THAP2: variants seen among roughly 807,000 people sequenced by gnomAD.
THAP2 encodes THAP domain-containing protein 2.
In THAP2, 16 loss-of-function variants were observed where a neutral mutation model predicts 18.8. The ratio of observed to expected loss-of-function variants is 0.85; its 90% CI spans 0.58 to 1.29. The LOEUF is 1.29. Among genes scored for constraint, THAP2 ranks in the 50% most tolerant of loss-of-function variants. The probability of loss-of-function intolerance (pLI) is 0.00; values close to 1 mark genes in which losing one functional copy is unlikely to be tolerated. For synonymous variants in THAP2, 80 were observed against 89.2 expected (o/e 0.90, Z 0.58); for missense variants, 251 against 265.3 (o/e 0.95, Z 0.38).
rs763780407 is a variant in THAP2, at chr12:71,666,524, AAAAAC to A, written c.71+1954_71+1958del. 7.9e-5 allele frequency among the ~76,000 whole-genome samples: 12 copies of A among 152,232 alleles called. No homozygotes were observed. The South Asian group carries it at 1.5e-3, about 18-fold the overall frequency. The stretch of plus-strand genomic sequence containing the variant: ...TGAGACCCTGTCTCAAGAAAAAACA[AAAAAC>A]AAAACAAAAAAAAAGAGATGGATGG... On this transcript the variant is annotated intron_variant, in intron 1 of 2. Transcript: ENST00000308086.
chr12:71,664,711 T>G, intron 1 of THAP2, 131 bp downstream of exon 1: 1 of 1,016,972 alleles, frequency 9.8e-7, no homozygotes, highest in East Asian at 2.5e-5. Context: ...GCATCGTATG[T>G]CCTTTGTGTT....
intron 2 of THAP2, among the ~76,000 whole-genome samples, chr12:71,675,427 C>T (rs1417238248): frequency 6.6e-6 from 1 of 152,038 alleles, no homozygotes; most frequent in Non-Finnish European, 1.5e-5. Flanking sequence ...TTATTTTTGA[C>T]ATTTTGATAA....
intron 1 of THAP2, among the ~76,000 whole-genome samples, chr12:71,666,064 A>C (rs1322187927): frequency 2.6e-5 from 4 of 152,198 alleles, no homozygotes; most frequent in African/African-American, 7.2e-5. Flanking sequence ...AGCTGTAGTA[A>C]ATAAAACAAG....
intron 1 of THAP2, among the ~76,000 whole-genome samples, chr12:71,669,971 A>C (rs935084435): frequency 8.6e-5 from 13 of 151,998 alleles, no homozygotes; most frequent in East Asian, 7.7e-4. Flanking sequence ...AAAAAAAAAA[A>C]AACTCTATTT....
intron 1 of THAP2, chr12:71,664,931 G>A (rs775622603): frequency 1.3e-5 from 9 of 702,146 alleles, no homozygotes; most frequent in East Asian, 5.4e-5. Context: ...AGCAATCACC[G>A]TAAAAGCCTG....
In THAP2 at chr12:71,674,374, T is replaced by C; in HGVS notation, c.243T>C (p.Asp81=). 1.2e-6 allele frequency: 2 copies of C among 1,610,288 alleles called. No homozygotes were observed. Among genetic ancestry groups the C allele is most frequent in the Non-Finnish European group, 1.7e-6 (2 of 1,177,678 alleles). ...LKMDAVPTIF[D]FCTHIKSMKL... is the part of the protein sequence containing the mutation. Reference sequence around the variant, plus strand: ...TGGATGCTGTTCCAACCATTTTTGATTTTTGTACCCATATAAAGTCTATGG... The same window carrying C: ...TGGATGCTGTTCCAACCATTTTTGACTTTTGTACCCATATAAAGTCTATGG... Residue 81 remains aspartate (D), a synonymous_variant, in exon 2 of 3, where the codon GAT becomes GAC. Transcript: ENST00000308086.
rs2137584146 is a variant in THAP2, at chr12:71,678,474, ACT to A, written c.*1367_*1368del. The A allele has an allele frequency of 6.5e-6, 1 of 152,714 alleles. No homozygotes were observed. The highest frequency in any genetic ancestry group is 2.1e-4 in the South Asian group (1 of 4,832). The allele number at this position is 152,714 out of a possible 1,614,324, so 9.5% of individuals were successfully genotyped here. A position where few individuals can be genotyped will look rare whatever the true frequency, so the allele number is the denominator to read the frequency against. ...ACAATTAAAGGGTTTGCTTTATTTC[ACT>A]AATGTTTAATAGGAACCCTTTGCTT... On this transcript the variant is annotated 3_prime_UTR_variant, in exon 3 of 3. Coordinates refer to ENST00000308086, the MANE Select transcript of THAP2 (RefSeq NM_031435.4).
rs972433515 is a variant in THAP2 at position 71,676,961 on chromosome 12, T to C, written c.540T>C (p.Ser180=). The change falls in exon 3 of 3, where the codon AGT becomes AGC. Residue 180 remains serine, a synonymous_variant. Coordinates refer to ENST00000308086, the MANE Select transcript of THAP2 (RefSeq NM_031435.4). ...TGGTAAAGAATTTAGAAGCAAATAG[T>C]GTATTACCTAAAGGTACATCAGAAC... ...TCLVKNLEAN[S]VLPKGTSEHM... 6 of 1,613,768 alleles carry C rather than the reference T, an allele frequency of 3.7e-6. No homozygotes were observed. Among genetic ancestry groups the C allele is most frequent in the Non-Finnish European group, 5.1e-6 (6 of 1,179,702 alleles).
chr12:71,668,992 T>G (rs1354489950), intron 1 of THAP2, among the ~76,000 whole-genome samples: 1 of 152,204 alleles, frequency 6.6e-6, no homozygotes, highest in Non-Finnish European at 1.5e-5. Flanking sequence ...ACAAAAACAT[T>G]ACACCAAAAT....
intron 1 of THAP2, chr12:71,664,930 C>A (rs11178883): frequency 1.4e-6 from 1 of 702,288 alleles, no homozygotes; most frequent in South Asian, 1.5e-5. Flanking sequence ...CAGCAATCAC[C>A]GTAAAAGCCT....
At chr12:71,670,734 T>C (rs1881422533) in intron 1 of THAP2, among the ~76,000 whole-genome samples, 1 of 150,780 alleles carries the variant, frequency 6.6e-6, no homozygotes, top group South Asian at 2.1e-4. Flanking sequence ...AGGTCAGGAG[T>C]TCAAGACCAG....
intron 1 of THAP2, among the ~76,000 whole-genome samples, chr12:71,672,873 G>T (rs530426619): frequency 6.6e-6 from 1 of 152,170 alleles, no homozygotes; most frequent in East Asian, 1.9e-4. Flanking sequence ...AAAAATATGC[G>T]AGAACTGCGA....
At chr12:71,664,848 A>G (rs761831638) in intron 1 of THAP2, 8 of 702,552 alleles carry the variant, frequency 1.1e-5, no homozygotes, top group Non-Finnish European at 2.1e-5. Flanking sequence ...GTAATTTTCT[A>G]CTGTTTTATT....
At position 71,664,520 on chromosome 12, in the gene THAP2, A is replaced by G. The variant is rs747178505; in HGVS notation, c.11A>G (p.Asn4Ser). 8.7e-6 allele frequency: 14 copies of G among 1,614,028 alleles called. No homozygotes were observed. Among genetic ancestry groups the G allele is most frequent in the Middle Eastern group, 1.6e-4 (1 of 6,080 alleles). MPT[N>S]CAAAGCATTY... is the part of the protein sequence containing the mutation. ...GAGTGGGAAAGGGAAATGCCGACCA[A>G]TTGCGCTGCGGCGGGCTGTGCCACT... The change falls in exon 1 of 3, where the codon AAT becomes AGT. Residue 4 changes from asparagine (N) to serine (S), a missense_variant. By Grantham distance (46) the Asn-to-Ser change is conservative. Transcript: ENST00000308086.
chr12:71,673,846 G>C (rs557453229), intron 1 of THAP2, among the ~76,000 whole-genome samples: 1 of 152,086 alleles, frequency 6.6e-6, no homozygotes, highest in African/African-American at 2.4e-5. Flanking sequence ...ACATATATCA[G>C]CAGCAGATTA....
chr12:71,670,480 G>T (rs957598655), intron 1 of THAP2, among the ~76,000 whole-genome samples: 12 of 152,114 alleles, frequency 7.9e-5, no homozygotes, highest in Admixed American at 7.2e-4. Flanking sequence ...GGGTGCAGAA[G>T]CTCCCTCACC....
chr12:71,664,792 T>C (rs921903005), intron 1 of THAP2: 21 of 716,658 alleles, frequency 2.9e-5, no homozygotes, highest in African/African-American at 2.6e-4. Context: ...ATCCAAGTAC[T>C]GTTTGGTCAT....
At chr12:71,665,916 A>T (rs979959329) in intron 1 of THAP2, among the ~76,000 whole-genome samples, 2 of 152,210 alleles carry the variant, frequency 1.3e-5, no homozygotes, top group African/African-American at 4.8e-5. Flanking sequence ...TTATTACAGA[A>T]TATTAATTTA....
At chr12:71,671,948 CAGAAAA>C (rs1881445760) in intron 1 of THAP2, among the ~76,000 whole-genome samples, 1 of 152,138 alleles carries the variant, frequency 6.6e-6, no homozygotes, top group Non-Finnish European at 1.5e-5. Context: ...GGAACCAATC[CAGAAAA>C]AGGGTTCTCA....
Sources: allele counts gnomAD v4.1 joint callset (sites outside exome capture counted in the v4.1 genomes callset), GRCh38; gene constraint gnomAD v4.1.1; transcripts MANE v1.5; gene names NCBI Gene and HGNC (gene_info 2026-07-23, HGNC 2026-07-21).